SLC35F3: variants seen among roughly 807,000 people sequenced by gnomAD.
SLC35F3 encodes the protein putative thiamine transporter SLC35F3.
SLC35F3 carries 25 observed loss-of-function variants against 49.9 expected under a neutral mutation model. The ratio of observed to expected loss-of-function variants is 0.50; its 90% confidence interval spans 0.37 to 0.70. SLC35F3 has a LOEUF of 0.70. Among genes scored for constraint, SLC35F3 ranks in the 30% least tolerant of loss-of-function variants. The probability of loss-of-function intolerance (pLI) is 0.00; values close to 1 mark genes in which losing one functional copy is unlikely to be tolerated. For missense variants in SLC35F3, 525 were observed against 639.8 expected, an observed-to-expected ratio of 0.82 and a Z score of 1.94; for synonymous variants, 275 against 265.4, an observed-to-expected ratio of 1.04 and a Z score of -0.35.
rs181414384 is a variant in SLC35F3, at chr1:234,296,124, C to A, written c.609-12977C>A. 2.0e-5 allele frequency among the ~76,000 whole-genome samples: 3 copies of A among 152,320 alleles called. No individual in the cohort carries two copies. The East Asian group carries it at 5.8e-4, about 29-fold the overall frequency. Reference sequence around the variant, plus strand: ...TGGTACCTGTTGAACAAGAGCTGAGCGCTGTTTCCCTCTGTTTTGCGGAGG... The same window carrying A: ...TGGTACCTGTTGAACAAGAGCTGAGAGCTGTTTCCCTCTGTTTTGCGGAGG... On this transcript the variant is annotated intron_variant, in intron 3 of 7. Transcript: ENST00000366618.
intron 2 of SLC35F3, among the ~76,000 whole-genome samples, chr1:234,098,545 G>T (rs1016973638): frequency 6.6e-6 from 1 of 150,854 alleles, no homozygotes; most frequent in Non-Finnish European, 1.5e-5. Context: ...GATGATGGTG[G>T]TGGTGATTAT....
At chr1:233,952,792 C>A (rs1440122093) in intron 2 of SLC35F3, among the ~76,000 whole-genome samples, 1 of 152,134 alleles carries the variant, frequency 6.6e-6, no homozygotes, top group African/African-American at 2.4e-5. Context: ...GTCCATTTAC[C>A]ATTGACACGG....
chr1:234,035,375 C>A (rs546226331), intron 2 of SLC35F3, among the ~76,000 whole-genome samples: 1 of 152,044 alleles, frequency 6.6e-6, no homozygotes, highest in Admixed American at 6.5e-5. Context: ...AATTCCTGAC[C>A]TTTGAATATA....
intron 2 of SLC35F3, among the ~76,000 whole-genome samples, chr1:233,926,692 G>A (rs1020659080): frequency 2.0e-5 from 3 of 152,144 alleles, no homozygotes; most frequent in Admixed American, 6.5e-5. Context: ...AAGGAGCTGC[G>A]TTCCTTTGAA....
At chr1:233,960,454 GA>G (rs1662776214) in intron 2 of SLC35F3, among the ~76,000 whole-genome samples, 1 of 152,148 alleles carries the variant, frequency 6.6e-6, no homozygotes, top group Non-Finnish European at 1.5e-5. Context: ...AGTTGGAAAG[GA>G]CCTTCAAGAT....
chr1:234,155,395 G>GATGATGATGATTATT (rs113733876), intron 2 of SLC35F3, among the ~76,000 whole-genome samples: 2 of 149,292 alleles, frequency 1.3e-5, no homozygotes, highest in African/African-American at 5.0e-5. Flanking sequence ...CTATTCACCT[G>GATGATGATGATTATT]ATTATTATTA....
chr1:234,122,182 C>A (rs916473733), intron 2 of SLC35F3, among the ~76,000 whole-genome samples: 2 of 152,182 alleles, frequency 1.3e-5, no homozygotes, highest in Non-Finnish European at 2.9e-5. Flanking sequence ...ACACTCCCAC[C>A]AACTGTGTAA....
chr1:234,058,036 G>A (rs964935963), intron 2 of SLC35F3, among the ~76,000 whole-genome samples: 4 of 152,068 alleles, frequency 2.6e-5, no homozygotes, highest in Non-Finnish European at 5.9e-5. Context: ...TGAGTGGGAA[G>A]GCATCCATTC....
intron 3 of SLC35F3, among the ~76,000 whole-genome samples, chr1:234,304,031 TTCC>T: frequency 1.4e-5 from 1 of 70,384 alleles, no homozygotes; most frequent in South Asian, 4.8e-4. Context: ...CCTTCCTTCC[TTCC>T]TTCCTTCCTT....
intron 2 of SLC35F3, among the ~76,000 whole-genome samples, chr1:233,983,609 A>G (rs898774350): frequency 2.6e-5 from 4 of 152,220 alleles, no homozygotes; most frequent in Non-Finnish European, 4.4e-5. Flanking sequence ...CTTAATTTGC[A>G]TGCGAAGTTT....
chr1:234,206,305 G>A (rs1479935518), intron 2 of SLC35F3, among the ~76,000 whole-genome samples: 1 of 152,046 alleles, frequency 6.6e-6, no homozygotes, highest in African/African-American at 2.4e-5. Context: ...TAAGCACGCA[G>A]TCGGGGAGGA....
intron 3 of SLC35F3, among the ~76,000 whole-genome samples, chr1:234,267,784 C>T (rs1407206215): frequency 2.7e-5 from 4 of 146,718 alleles, no homozygotes; most frequent in Non-Finnish European, 4.5e-5. Flanking sequence ...TCAGATGGGG[C>T]GGCCGGGCAG....
rs12079276 is a variant in SLC35F3, at chr1:234,199,493, C to A, written c.284-31924C>A. ...CAGACATTATATACAAAAAAATCAA[C>A]TCAAAGTAGATTAAAGACAAATGTA... On this transcript the variant is annotated intron_variant, in intron 2 of 7. Transcript: ENST00000366618. Among the ~76,000 whole-genome samples the A allele has an allele frequency of 1.9e-3, 283 of 152,240 alleles. 3 individuals carry two copies. The highest frequency in any genetic ancestry group is 6.4e-3 in the African/African-American group (264 of 41,544).
intron 2 of SLC35F3, among the ~76,000 whole-genome samples, chr1:234,089,745 G>C (rs1333230817): frequency 6.6e-6 from 1 of 152,152 alleles, no homozygotes; most frequent in East Asian, 1.9e-4. Context: ...GTTCGCCACT[G>C]GAGGGGATAG....
intron 3 of SLC35F3, among the ~76,000 whole-genome samples, chr1:234,236,579 G>A (rs947740296): frequency 2.0e-5 from 3 of 152,118 alleles, no homozygotes; most frequent in Non-Finnish European, 2.9e-5. Flanking sequence ...CAAAGAGCAC[G>A]GAGCTCTTCT....
At chr1:234,179,404 A>G (rs781323905) in intron 2 of SLC35F3, among the ~76,000 whole-genome samples, 3 of 152,192 alleles carry the variant, frequency 2.0e-5, no homozygotes, top group Admixed American at 6.5e-5. Flanking sequence ...ACCCGGCTCT[A>G]AAAACATTTT....
At chr1:234,080,102 C>T (rs565694226) in intron 2 of SLC35F3, among the ~76,000 whole-genome samples, 29 of 152,174 alleles carry the variant, frequency 1.9e-4, no homozygotes, top group Non-Finnish European at 3.8e-4. Context: ...GCCCCACCCC[C>T]GACCTCCAGG....
At chr1:234,236,881 G>A (rs1313196335) in intron 3 of SLC35F3, among the ~76,000 whole-genome samples, 2 of 141,842 alleles carry the variant, frequency 1.4e-5, no homozygotes, top group Non-Finnish European at 3.0e-5. Flanking sequence ...TGACCCTAAG[G>A]AACTCACAAC....
chr1:234,036,465 A>C lies in SLC35F3; in HGVS notation c.283+130707A>C, dbSNP rs1016789092. Among the ~76,000 whole-genome samples the C allele has an allele frequency of 2.0e-5, 3 of 152,294 alleles. No homozygotes were observed. The South Asian group carries it at 6.2e-4, about 32-fold the overall frequency. On this transcript the variant is annotated intron_variant, in intron 2 of 7. Coordinates refer to ENST00000366618, the MANE Select transcript of SLC35F3 (RefSeq NM_173508.4). ...AGATAAGACTCTTCCAGTATCCCTC[A>C]TGGAGAGAAGTGGCCTGACAGCCTC...
Sources: gnomAD v4.1 joint callset for allele counts (sites outside exome capture counted in the v4.1 genomes callset) on GRCh38, gnomAD v4.1.1 for gene constraint, MANE v1.5 for transcripts, NCBI Gene and HGNC (gene_info 2026-07-23, HGNC 2026-07-21) for gene names.